XYLB: variants seen among roughly 807,000 people sequenced by gnomAD.
XYLB encodes xylulose kinase.
Under a neutral mutation model 78.7 loss-of-function variants are expected in XYLB, and 62 were observed. That is an observed-to-expected ratio of 0.79 (90% confidence interval 0.64 to 0.97). The LOEUF (loss-of-function observed/expected upper bound fraction) is 0.97, where lower values mean the gene tolerates loss of function less well. XYLB is among the 50% of genes least tolerant of loss of function. The pLI, the probability that XYLB is intolerant of heterozygous loss-of-function variation, is 0.00. For synonymous variants in XYLB, 245 were observed against 247.4 expected, an observed-to-expected ratio of 0.99 and a Z score of 0.09; for missense variants, 687 against 676.8, an observed-to-expected ratio of 1.02 and a Z score of -0.17.
chr3:38,405,051 A>C (rs1197964530), intron 18 of XYLB, among the ~76,000 whole-genome samples: 2 of 152,158 alleles, frequency 1.3e-5, no homozygotes, highest in Non-Finnish European at 2.9e-5. Context: ...GGATAAAAGA[A>C]GAGTAAGAAT....
the XYLB span, among the ~76,000 whole-genome samples, chr3:38,433,356 T>C: frequency 6.6e-6 from 1 of 152,252 alleles, no homozygotes; most frequent in African/African-American, 2.4e-5. Flanking sequence ...TGACATGCCC[T>C]GGAAACATTT....
intron 17 of XYLB, 58 bp downstream of exon 17, chr3:38,397,217 G>A: frequency 1.3e-6 from 2 of 1,529,590 alleles, no homozygotes; most frequent in South Asian, 1.1e-5. Context: ...GGGGTGGGCT[G>A]AGGAGGGTGG....
chr3:38,397,445 T>C (rs141883444), intron 17 of XYLB, among the ~76,000 whole-genome samples: 261 of 152,216 alleles, frequency 1.7e-3, no homozygotes, highest in African/African-American at 3.4e-3. Flanking sequence ...CAGGGCATGG[T>C]TGAGAGCACG....
intron 15 of XYLB, among the ~76,000 whole-genome samples, chr3:38,386,715 G>A (rs781195687): frequency 4.6e-5 from 7 of 151,806 alleles, no homozygotes; most frequent in East Asian, 1.9e-4. Context: ...AATTTTTTAC[G>A]AACATGCTTG....
At chr3:38,416,583 G>A (rs937265320), downstream of XYLB, among the ~76,000 whole-genome samples, 1 of 152,114 alleles carries the variant, frequency 6.6e-6, no homozygotes, top group Middle Eastern at 3.4e-3. Flanking sequence ...ATTTATAAGA[G>A]ACACATCTAA....
intron 15 of XYLB, among the ~76,000 whole-genome samples, chr3:38,384,355 C>T (rs9860433): frequency 0.027 from 4,138 of 152,266 alleles, 182 homozygotes; most frequent in African/African-American, 0.092. Context: ...TGTGAGCCAC[C>T]GTGCCTGGCC....
chr3:38,438,929 T>A, the XYLB span, among the ~76,000 whole-genome samples: 29 of 152,186 alleles, frequency 1.9e-4, no homozygotes, highest in Admixed American at 3.3e-4. Context: ...GGTGCGTTTT[T>A]ACAGAGTGCT....
At chr3:38,363,116 C>T in intron 4 of XYLB, 99 bp downstream of exon 4, 1 of 926,586 alleles carries the variant, frequency 1.1e-6, no homozygotes. Flanking sequence ...GGGAGCGGCT[C>T]ATTCTTGACA....
chr3:38,447,335 A>C, the XYLB span, among the ~76,000 whole-genome samples: 3 of 152,128 alleles, frequency 2.0e-5, no homozygotes, highest in South Asian at 6.2e-4. Flanking sequence ...ACAAGGTCTC[A>C]CTCTGTTGCC....
the XYLB span, among the ~76,000 whole-genome samples, chr3:38,439,005 G>C: frequency 1.3e-5 from 2 of 152,212 alleles, no homozygotes; most frequent in African/African-American, 4.8e-5. Flanking sequence ...TACAATCCTA[G>C]CTACAGAGTG....
In XYLB at chr3:38,396,251, A is replaced by C. The variant is rs1219065771; in HGVS notation, c.1350+688A>C. 2.0e-5 allele frequency among the ~76,000 whole-genome samples: 3 copies of C among 152,224 alleles called. No homozygotes were observed. In the East Asian group the frequency reaches 5.8e-4, roughly 29 times the overall value. On this transcript the variant is annotated intron_variant, in intron 16 of 18. Transcript: ENST00000207870. ...CCAGGAAGAAGGAAGTGAGGGACTC[A>C]GGGCAGTGCAGAGGAAGAAGGATAA... is the stretch of plus-strand genomic sequence containing the variant.
chr3:38,395,363 G>T, intron 15 of XYLB, 142 bp from the exon 16 acceptor site: 2 of 738,002 alleles, frequency 2.7e-6, no homozygotes, highest in Non-Finnish European at 2.4e-6. Context: ...GCCAGCTTTG[G>T]ATCTCTCCCG....
At chr3:38,443,784 C>G in the XYLB span, among the ~76,000 whole-genome samples, 1 of 152,166 alleles carries the variant, frequency 6.6e-6, no homozygotes, top group South Asian at 2.1e-4. Context: ...TTCTTAAGGC[C>G]TCCTGTAGAT....
In XYLB at chr3:38,348,649, CATGT is replaced by C; in HGVS notation, c.140+18_140+21del. ...AGAATTTGGGTATGTACTTGATGTG[CATGT>C]GTGTGTGATGGGGGTGTTGGTTTTG... On this transcript the variant is annotated intron_variant, in intron 2 of 18. Coordinates refer to ENST00000207870, the MANE Select transcript of XYLB (RefSeq NM_005108.4). The C allele has an allele frequency of 6.2e-7, 1 of 1,613,046 alleles. No homozygotes were observed.
At chr3:38,381,283 A>G (rs1004916031) in intron 15 of XYLB, among the ~76,000 whole-genome samples, 6 of 152,324 alleles carry the variant, frequency 3.9e-5, no homozygotes, top group African/African-American at 1.2e-4. Flanking sequence ...CACTTCCCCA[A>G]TCAATACCCT....
intron 15 of XYLB, among the ~76,000 whole-genome samples, chr3:38,390,485 A>T (rs1707603172): frequency 6.6e-6 from 1 of 152,066 alleles, no homozygotes; most frequent in South Asian, 2.1e-4. Context: ...AACTGTTGGG[A>T]TTACAGGTAT....
At chr3:38,436,382 A>G in the XYLB span, among the ~76,000 whole-genome samples, 4 of 152,212 alleles carry the variant, frequency 2.6e-5, no homozygotes, top group Non-Finnish European at 2.9e-5. Flanking sequence ...GAAGAAATAG[A>G]AAACGCAAAC....
At chr3:38,364,716 CATAGGGTTTT>C (rs56110482) in intron 4 of XYLB, among the ~76,000 whole-genome samples, 135,471 of 151,672 alleles carry the variant, frequency 0.89, 61,084 homozygotes, top group East Asian at 1. Flanking sequence ...ACTGCAGCTC[CATAGGGTTTT>C]ATAGTTGTAC....
At chr3:38,436,057 G>A in the XYLB span, among the ~76,000 whole-genome samples, 1 of 152,038 alleles carries the variant, frequency 6.6e-6, no homozygotes, top group East Asian at 1.9e-4. Context: ...CTCCAAATTA[G>A]CAGAAAAAAG....
Sources: allele counts gnomAD v4.1 joint callset (sites outside exome capture counted in the v4.1 genomes callset), GRCh38; gene constraint gnomAD v4.1.1; transcripts MANE v1.5; gene names NCBI Gene and HGNC (gene_info 2026-07-23, HGNC 2026-07-21).